PTPRD: variants seen among roughly 807,000 people sequenced by gnomAD.
PTPRD encodes protein tyrosine phosphatase receptor type D.
PTPRD carries 34 observed loss-of-function variants against 214.5 expected under a neutral mutation model. The ratio of observed to expected loss-of-function variants is 0.16; its 90% CI spans 0.12 to 0.21. PTPRD has a LOEUF of 0.21. Ranked by LOEUF, PTPRD falls within the 10% of genes least tolerant of loss-of-function variation. The pLI, the probability that PTPRD is intolerant of heterozygous loss-of-function variation, is 1.00. For synonymous variants in PTPRD, 1,128 were observed against 845.7 expected (o/e 1.33, Z -5.79); for missense variants, 2,545 against 2,398.7 (o/e 1.06, Z -1.27).
rs545981208 is a variant in PTPRD at position 8,821,773 on chromosome 9, C to A, written c.-103-87827G>T. On this transcript the variant is annotated intron_variant, in intron 11 of 45. Coordinates refer to ENST00000381196, the MANE Select transcript of PTPRD (RefSeq NM_002839.4). ...CTCCGCCTCCCAGGTTCAAGCAATTCTCTGCCTCAGCCTCCCGAGTAGCTG... is the reference window on the plus strand; with the variant it reads ...CTCCGCCTCCCAGGTTCAAGCAATTATCTGCCTCAGCCTCCCGAGTAGCTG... Among the ~76,000 whole-genome samples, 17 of 152,318 alleles carry A rather than the reference C, an allele frequency of 1.1e-4. 2 individuals carry two copies. The highest frequency in any genetic ancestry group is 3.8e-4 in the African/African-American group (16 of 41,572).
At chr9:10,248,545 A>C (rs1292210562) in intron 3 of PTPRD, among the ~76,000 whole-genome samples, 1 of 149,382 alleles carries the variant, frequency 6.7e-6, no homozygotes, top group Non-Finnish European at 1.5e-5. Context: ...ATAAAGCGAG[A>C]AACCAAAATG....
At chr9:9,329,775 T>C (rs61209722) in intron 9 of PTPRD, among the ~76,000 whole-genome samples, 40 of 152,356 alleles carry the variant, frequency 2.6e-4, no homozygotes, top group African/African-American at 8.9e-4. Flanking sequence ...TACTACTTCA[T>C]ATTGAAAACT....
intron 5 of PTPRD, among the ~76,000 whole-genome samples, chr9:9,929,266 T>A (rs2085487203): frequency 6.6e-6 from 1 of 152,202 alleles, no homozygotes; most frequent in African/African-American, 2.4e-5. Flanking sequence ...ATTCACAAAC[T>A]TGCCCCTTTG....
chr9:8,489,270 G>C (rs554158892), intron 27 of PTPRD, among the ~76,000 whole-genome samples: 3 of 152,206 alleles, frequency 2.0e-5, no homozygotes, highest in Admixed American at 6.5e-5. Flanking sequence ...TTTGATGTTG[G>C]CATGACCTTT....
At chr9:10,537,692 G>A (rs1446382091) in intron 2 of PTPRD, among the ~76,000 whole-genome samples, 5 of 151,990 alleles carry the variant, frequency 3.3e-5, no homozygotes, top group Admixed American at 3.3e-4. Flanking sequence ...CACTCCTTCA[G>A]TGAGTTTCTG....
intron 10 of PTPRD, among the ~76,000 whole-genome samples, chr9:9,129,719 T>C (rs979324050): frequency 5.3e-5 from 8 of 152,224 alleles, no homozygotes; most frequent in African/African-American, 1.9e-4. Flanking sequence ...CCAGATTTTT[T>C]TCCCTTTATT....
intron 5 of PTPRD, among the ~76,000 whole-genome samples, chr9:9,906,967 C>T (rs1057496706): frequency 6.6e-6 from 1 of 151,872 alleles, no homozygotes; most frequent in Non-Finnish European, 1.5e-5. Flanking sequence ...TGAAAAAGCA[C>T]CACTGCCAAA....
intron 3 of PTPRD, among the ~76,000 whole-genome samples, chr9:10,283,097 A>G (rs191059485): frequency 2.3e-3 from 347 of 151,860 alleles, no homozygotes; most frequent in African/African-American, 8.0e-3. Flanking sequence ...CTCTTCTACC[A>G]TAATTCCTCA....
intron 7 of PTPRD, among the ~76,000 whole-genome samples, chr9:9,637,303 A>G (rs565200872): frequency 4.3e-4 from 65 of 152,316 alleles, no homozygotes; most frequent in Non-Finnish European, 7.9e-4. Flanking sequence ...AATATCAAAT[A>G]TGGGTGAGAT....
intron 2 of PTPRD, among the ~76,000 whole-genome samples, chr9:10,508,702 A>T (rs1478097634): frequency 6.6e-6 from 1 of 152,206 alleles, no homozygotes; most frequent in Non-Finnish European, 1.5e-5. Context: ...AGGACAAAAA[A>T]ACAAACACCG....
rs114615889 is a variant in PTPRD at position 8,856,560 on chromosome 9, A to G, written c.-103-122614T>C. ...ATGTAAATATATATATATAACTTTA[A>G]GAGGAAATACAAGGAGAACGAGCCC... On this transcript the variant is annotated intron_variant, in intron 11 of 45. Transcript: ENST00000381196. Among the ~76,000 whole-genome samples the G allele has an allele frequency of 9.8e-3, 1,494 of 152,266 alleles. 26 individuals are homozygous for G. Among genetic ancestry groups the G allele is most frequent in the African/African-American group, 0.035 (1,439 of 41,556 alleles).
At chr9:9,938,485 T>A (rs548901619) in intron 5 of PTPRD, 22 bp downstream of exon 5, 1 of 152,158 alleles carries the variant, frequency 6.6e-6, no homozygotes, top group African/African-American at 2.4e-5. Context: ...GAAACTAGCA[T>A]ACCCAGTCAT....
At position 9,124,012 on chromosome 9, in the gene PTPRD, G is replaced by A. The variant is rs188674200; in HGVS notation, c.-143+59292C>T. 2.0e-4 allele frequency among the ~76,000 whole-genome samples: 31 copies of A among 152,192 alleles called. 1 individual carries two copies. In the East Asian group the frequency reaches 4.1e-3, roughly 20 times the overall value. The stretch of plus-strand genomic sequence containing the variant: ...AGGCATATTGTCTAAAAGGTGGGGT[G>A]GGGGAGGGAGGTTAAGTAGTTTTGG... On this transcript the variant is annotated intron_variant, in intron 10 of 45. Transcript: ENST00000381196.
chr9:9,097,323 TA>T (rs1185667104), intron 10 of PTPRD, among the ~76,000 whole-genome samples: 1 of 151,976 alleles, frequency 6.6e-6, no homozygotes, highest in Non-Finnish European at 1.5e-5. Flanking sequence ...TTTGGGGTAC[TA>T]AACCTCATAC....
chr9:9,770,783 A>T (rs989604732), intron 5 of PTPRD, among the ~76,000 whole-genome samples: 2 of 152,172 alleles, frequency 1.3e-5, no homozygotes, highest in Admixed American at 6.5e-5. Flanking sequence ...ACAGTTCATT[A>T]ATTACAGATG....
chr9:9,072,257 T>G (rs1358917989), intron 10 of PTPRD, among the ~76,000 whole-genome samples: 1 of 148,152 alleles, frequency 6.7e-6, no homozygotes, highest in African/African-American at 2.5e-5. Flanking sequence ...AGAGTCTTTC[T>G]CACGAACAAA....
chr9:10,136,640 G>T, intron 3 of PTPRD, among the ~76,000 whole-genome samples: 1 of 85,528 alleles, frequency 1.2e-5, no homozygotes, highest in Non-Finnish European at 2.3e-5. Flanking sequence ...ATAGGCGTGG[G>T]CAAGGACTTC....
intron 14 of PTPRD, among the ~76,000 whole-genome samples, chr9:8,558,106 A>T (rs1337178690): frequency 1.3e-5 from 2 of 152,192 alleles, no homozygotes. Context: ...GACAATTTTT[A>T]AAAATGAGAG....
chr9:10,514,816 T>C (rs958049971), intron 2 of PTPRD, among the ~76,000 whole-genome samples: 4 of 152,060 alleles, frequency 2.6e-5, no homozygotes, highest in Non-Finnish European at 4.4e-5. Flanking sequence ...CACATGGTTC[T>C]TTAAAAAGTA....
Sources: allele counts gnomAD v4.1 joint callset (sites outside exome capture counted in the v4.1 genomes callset), GRCh38; gene constraint gnomAD v4.1.1; transcripts MANE v1.5; gene names NCBI Gene and HGNC (gene_info 2026-07-23, HGNC 2026-07-21).